NDUFAF2: variants seen among roughly 807,000 people sequenced by gnomAD.
NDUFAF2 encodes the protein NADH:ubiquinone oxidoreductase complex assembly factor 2, also known as NADH dehydrogenase [ubiquinone] 1 alpha subcomplex assembly factor 2.
A neutral mutation model predicts 22.8 loss-of-function variants in NDUFAF2; 13 were observed. The ratio of observed to expected loss-of-function variants is 0.57; its 90% CI spans 0.37 to 0.91. The LOEUF (loss-of-function observed/expected upper bound fraction) is 0.91, where lower values mean the gene tolerates loss of function less well. Ranked by LOEUF, NDUFAF2 falls within the 40% of genes least tolerant of loss-of-function variation. The probability of loss-of-function intolerance (pLI) is 0.01; values close to 1 mark genes in which losing one functional copy is unlikely to be tolerated. For missense variants in NDUFAF2, 162 were observed against 195.2 expected, an observed-to-expected ratio of 0.83 and a Z score of 1.01; for synonymous variants, 53 against 64.2, an observed-to-expected ratio of 0.83 and a Z score of 0.84.
At chr5:60,962,846 G>A (rs1350903014) in intron 1 of NDUFAF2, among the ~76,000 whole-genome samples, 1 of 150,866 alleles carries the variant, frequency 6.6e-6, no homozygotes, top group Non-Finnish European at 1.5e-5. Context: ...AAAAAAAAAT[G>A]GAGAGACTGA....
intron 3 of NDUFAF2, among the ~76,000 whole-genome samples, chr5:61,131,702 T>C (rs1212003431): frequency 1.3e-5 from 2 of 152,178 alleles, no homozygotes; most frequent in Middle Eastern, 3.4e-3. Flanking sequence ...CTGAAAAATA[T>C]TGAGTGAAAA....
Position 61,073,181 on chromosome 5 carries a change from T to G in NDUFAF2, c.184T>G (p.Tyr62Asp), listed in dbSNP as rs758053501. The G allele has an allele frequency of 6.2e-7, 1 of 1,613,286 alleles. No individual in the cohort carries two copies. The highest frequency in any genetic ancestry group is 2.2e-5 in the East Asian group (1 of 44,762). Residue 62 changes from tyrosine (Y) to aspartate (D), a missense_variant, in exon 2 of 4, where the codon TAT becomes GAT. Coordinates refer to ENST00000296597, the MANE Select transcript of NDUFAF2 (RefSeq NM_174889.5). ...VEAANKKEVD[Y>D]EAGDIPTEWE... ...AGCAGCAAATAAAAAAGAAGTAGAC[T>G]ATGAAGCAGGGGATATTCCAACAGA...
At chr5:61,067,618 A>G (rs1472596893) in intron 1 of NDUFAF2, among the ~76,000 whole-genome samples, 1 of 152,144 alleles carries the variant, frequency 6.6e-6, no homozygotes, top group African/African-American at 2.4e-5. Flanking sequence ...CACAATAAAC[A>G]TACGTGTGCA....
At chr5:61,102,621 A>G (rs1338811088) in intron 3 of NDUFAF2, among the ~76,000 whole-genome samples, 2 of 152,150 alleles carry the variant, frequency 1.3e-5, no homozygotes, top group African/African-American at 4.8e-5. Flanking sequence ...AGGAGACAGA[A>G]CAATCTGTAA....
At chr5:60,960,182 G>A (rs1750666053) in intron 1 of NDUFAF2, among the ~76,000 whole-genome samples, 1 of 152,088 alleles carries the variant, frequency 6.6e-6, no homozygotes, top group South Asian at 2.1e-4. Flanking sequence ...TTTCATGTAA[G>A]AGAAAAAGAG....
intron 1 of NDUFAF2, among the ~76,000 whole-genome samples, chr5:61,009,510 A>G (rs1751417351): frequency 6.6e-6 from 1 of 152,116 alleles, no homozygotes. Context: ...TCAGAATTAA[A>G]CTAAATCAAT....
intron 3 of NDUFAF2, among the ~76,000 whole-genome samples, chr5:61,107,010 C>CCTTTGGATAAACA (rs1752772730): frequency 6.9e-6 from 1 of 145,230 alleles, no homozygotes; most frequent in South Asian, 2.2e-4. Flanking sequence ...ACAGGTATCT[C>CCTTTGGATAAACA]TTCGATATTC....
At chr5:61,099,577 T>C (rs1752681868) in intron 3 of NDUFAF2, among the ~76,000 whole-genome samples, 1 of 151,468 alleles carries the variant, frequency 6.6e-6, no homozygotes, top group South Asian at 2.1e-4. Flanking sequence ...TAGTCAGTGA[T>C]AAACAATAAA....
intron 1 of NDUFAF2, among the ~76,000 whole-genome samples, chr5:61,042,251 T>G (rs1193881013): frequency 6.6e-6 from 1 of 152,136 alleles, no homozygotes; most frequent in East Asian, 1.9e-4. Context: ...TGATCATTAT[T>G]AGAGGACCAG....
At chr5:61,064,718 G>T (rs1486149196) in intron 1 of NDUFAF2, among the ~76,000 whole-genome samples, 1 of 152,010 alleles carries the variant, frequency 6.6e-6, no homozygotes, top group Non-Finnish European at 1.5e-5. Context: ...CAAAACATGG[G>T]ATGCAGCAAA....
intron 1 of NDUFAF2, among the ~76,000 whole-genome samples, chr5:60,990,513 T>A (rs56071223): frequency 0.02 from 3,046 of 152,290 alleles, 118 homozygotes; most frequent in African/African-American, 0.07. Context: ...TGTACATTTT[T>A]AAATTATTTT....
chr5:60,992,809 A>C (rs759738427), intron 1 of NDUFAF2, among the ~76,000 whole-genome samples: 1 of 152,110 alleles, frequency 6.6e-6, no homozygotes, highest in African/African-American at 2.4e-5. Flanking sequence ...TCAAGTTTAA[A>C]AATTTTTTCC....
intron 1 of NDUFAF2, among the ~76,000 whole-genome samples, chr5:60,971,567 G>A (rs1188195374): frequency 1.2e-4 from 19 of 152,068 alleles, no homozygotes; most frequent in Non-Finnish European, 2.2e-4. Context: ...GATTACAGGC[G>A]TGAGCCACCG....
chr5:61,049,822 A>ATG (rs746579857), intron 1 of NDUFAF2, among the ~76,000 whole-genome samples: 3 of 151,350 alleles, frequency 2.0e-5, no homozygotes, highest in African/African-American at 7.3e-5. Context: ...ATTTATATAC[A>ATG]TATATATAAA....
intron 3 of NDUFAF2, among the ~76,000 whole-genome samples, chr5:61,120,661 CT>C (rs1207177183): frequency 6.6e-6 from 1 of 152,040 alleles, no homozygotes; most frequent in Non-Finnish European, 1.5e-5. Context: ...TGCTCACGTT[CT>C]TTTAAGAGTC....
intron 1 of NDUFAF2, among the ~76,000 whole-genome samples, chr5:60,952,311 CTGTT>C (rs1332753490): frequency 1.3e-5 from 2 of 151,722 alleles, no homozygotes; most frequent in Admixed American, 1.3e-4. Context: ...ATAATTTGAT[CTGTT>C]TATTTTTTAA....
intron 2 of NDUFAF2, among the ~76,000 whole-genome samples, chr5:61,091,596 A>T (rs1390657269): frequency 6.6e-6 from 1 of 152,202 alleles, no homozygotes; most frequent in Non-Finnish European, 1.5e-5. Context: ...CATAGTTGGT[A>T]AAAATTGTCT....
At chr5:61,013,267 A>G (rs1299615687) in intron 1 of NDUFAF2, among the ~76,000 whole-genome samples, 3 of 151,046 alleles carry the variant, frequency 2.0e-5, no homozygotes, top group Middle Eastern at 3.2e-3. Context: ...TTCATTTGAA[A>G]CCCTCAAGCT....
chr5:61,100,575 T>C (rs1034843902), intron 3 of NDUFAF2, among the ~76,000 whole-genome samples: 10 of 151,772 alleles, frequency 6.6e-5, no homozygotes, highest in African/African-American at 2.2e-4. Context: ...TTCCTTCCTC[T>C]TGGCCCTTTC....
Sources: allele counts gnomAD v4.1 joint callset (sites outside exome capture counted in the v4.1 genomes callset), GRCh38; gene constraint gnomAD v4.1.1; transcripts MANE v1.5; gene names NCBI Gene and HGNC (gene_info 2026-07-23, HGNC 2026-07-21).